Variants in KSR2 observed in about 807,000 individuals in gnomAD.
The protein encoded by KSR2 is kinase suppressor of ras 2.
Under a neutral mutation model 107.8 loss-of-function variants are expected in KSR2, and 25 were observed. That is an observed-to-expected ratio of 0.23 (90% confidence interval 0.17 to 0.32). The LOEUF (loss-of-function observed/expected upper bound fraction) is 0.32, where lower values mean the gene tolerates loss of function less well. KSR2 is among the 10% of genes least tolerant of loss of function. KSR2 has a pLI of 1.00. For missense variants in KSR2, 887 were observed against 1,268.9 expected (o/e 0.70, Z 4.57); for synonymous variants, 480 against 507.0 (o/e 0.95, Z 0.71).
chr12:117,933,017 T>C (rs578094610), intron 1 of KSR2, among the ~76,000 whole-genome samples: 1 of 151,230 alleles, frequency 6.6e-6, no homozygotes, highest in South Asian at 2.1e-4. Flanking sequence ...TGTCTCAAAA[T>C]AAATAAATAA....
chr12:117,615,214 TACACACACACAC>T (rs57116320), intron 5 of KSR2, among the ~76,000 whole-genome samples: 46,072 of 147,688 alleles, frequency 0.31, 8,296 homozygotes, highest in South Asian at 0.44. Flanking sequence ...TCTCTTCAGT[TACACACACACAC>T]ACACACACAC....
At chr12:117,953,648 C>T (rs1457734214) in intron 1 of KSR2, among the ~76,000 whole-genome samples, 1 of 152,014 alleles carries the variant, frequency 6.6e-6, no homozygotes, top group Non-Finnish European at 1.5e-5. Flanking sequence ...ATGTGCTGGG[C>T]CAGGGGATGG....
chr12:117,845,343 A>G (rs1312108438), intron 3 of KSR2, among the ~76,000 whole-genome samples: 2 of 152,158 alleles, frequency 1.3e-5, no homozygotes, highest in East Asian at 3.9e-4. Flanking sequence ...GCTTCTTAAA[A>G]GTGCTTCTGA....
chr12:117,640,917 A>G (rs1883327309), intron 5 of KSR2, among the ~76,000 whole-genome samples: 1 of 152,178 alleles, frequency 6.6e-6, no homozygotes, highest in African/African-American at 2.4e-5. Flanking sequence ...CAGACTGATT[A>G]TACAGTCACT....
At chr12:117,507,849 C>A (rs1409844965) in intron 14 of KSR2, among the ~76,000 whole-genome samples, 1 of 152,192 alleles carries the variant, frequency 6.6e-6, no homozygotes, top group Non-Finnish European at 1.5e-5. Flanking sequence ...CCCCCACCCC[C>A]ACTCCTATTG....
intron 3 of KSR2, among the ~76,000 whole-genome samples, chr12:117,793,309 A>G (rs1800725500): frequency 7.2e-6 from 1 of 139,338 alleles, no homozygotes; most frequent in African/African-American, 2.8e-5. Flanking sequence ...CACAACATGC[A>G]CACACCCTCA....
chr12:117,725,103 C>T (rs1438992748), intron 4 of KSR2, among the ~76,000 whole-genome samples: 2 of 152,056 alleles, frequency 1.3e-5, no homozygotes, highest in Non-Finnish European at 2.9e-5. Flanking sequence ...CACACACACA[C>T]ACACACACAC....
At chr12:117,586,214 GAT>G (rs1879979371) in intron 5 of KSR2, among the ~76,000 whole-genome samples, 1 of 152,102 alleles carries the variant, frequency 6.6e-6, no homozygotes, top group Non-Finnish European at 1.5e-5. Context: ...AATACGTGAG[GAT>G]ATACACAGAG....
At chr12:117,934,462 G>A (rs1307894989) in intron 1 of KSR2, among the ~76,000 whole-genome samples, 1 of 152,218 alleles carries the variant, frequency 6.6e-6, no homozygotes, top group African/African-American at 2.4e-5. Flanking sequence ...CGTAAGGAAA[G>A]GCTGTTTGGA....
rs12310108 is a variant in KSR2, at chr12:117,808,648, T to A, written c.472+46780A>T. Among the ~76,000 whole-genome samples the A allele has an allele frequency of 5.3e-3, 805 of 152,260 alleles. 11 individuals are homozygous for A. Among genetic ancestry groups the A allele is most frequent in the African/African-American group, 0.019 (780 of 41,540 alleles). Reference sequence around the variant, plus strand: ...AGAAAACGTAGCATGTCTAATTGCATCTCAATCTGAAGCCTCTGCCCATCT... The same window carrying A: ...AGAAAACGTAGCATGTCTAATTGCAACTCAATCTGAAGCCTCTGCCCATCT... On this transcript the variant is annotated intron_variant, in intron 3 of 19. Coordinates refer to ENST00000339824, the MANE Select transcript of KSR2 (RefSeq NM_173598.6).
At chr12:117,708,060 G>A (rs1437829423) in intron 4 of KSR2, among the ~76,000 whole-genome samples, 2 of 152,150 alleles carry the variant, frequency 1.3e-5, no homozygotes, top group African/African-American at 2.4e-5. Flanking sequence ...TCCTATTTGT[G>A]CACTGGATAT....
At chr12:117,588,742 G>A (rs573222794) in intron 5 of KSR2, among the ~76,000 whole-genome samples, 48 of 152,304 alleles carry the variant, frequency 3.2e-4, no homozygotes, top group African/African-American at 1.2e-3. Context: ...ATGGCAAATT[G>A]AGGTAGATGT....
At chr12:117,759,792 C>T (rs996829852) in intron 4 of KSR2, among the ~76,000 whole-genome samples, 3 of 152,214 alleles carry the variant, frequency 2.0e-5, no homozygotes, top group Non-Finnish European at 4.4e-5. Context: ...TCAAGGTTCA[C>T]TCATGTTGTA....
At chr12:117,725,471 T>C (rs1393600419) in intron 4 of KSR2, among the ~76,000 whole-genome samples, 2 of 152,240 alleles carry the variant, frequency 1.3e-5, no homozygotes, top group African/African-American at 4.8e-5. Flanking sequence ...CTGGAACATC[T>C]GGATATTCTT....
intron 5 of KSR2, among the ~76,000 whole-genome samples, chr12:117,647,047 C>A (rs1372497872): frequency 6.6e-6 from 1 of 151,810 alleles, no homozygotes; most frequent in African/African-American, 2.4e-5. Flanking sequence ...AGGGTGAAAG[C>A]CACACAGAGA....
intron 3 of KSR2, among the ~76,000 whole-genome samples, chr12:117,821,921 A>C (rs910017991): frequency 3.9e-5 from 6 of 152,186 alleles, no homozygotes; most frequent in Non-Finnish European, 8.8e-5. Context: ...ATTCCCAGAC[A>C]CAGGCATTCT....
intron 1 of KSR2, among the ~76,000 whole-genome samples, chr12:117,906,455 A>C (rs571774615): frequency 6.6e-6 from 1 of 152,106 alleles, no homozygotes; most frequent in African/African-American, 2.4e-5. Context: ...AAAATACAAA[A>C]ATTAGCTGGG....
intron 3 of KSR2, among the ~76,000 whole-genome samples, chr12:117,798,517 C>T (rs910065440): frequency 2.0e-5 from 3 of 152,038 alleles, no homozygotes; most frequent in African/African-American, 4.8e-5. Flanking sequence ...CCTGTAATCC[C>T]AGCTACTCAG....
chr12:117,798,317 G>T (rs369333146), intron 3 of KSR2, among the ~76,000 whole-genome samples: 1 of 152,128 alleles, frequency 6.6e-6, no homozygotes, highest in Non-Finnish European at 1.5e-5. Flanking sequence ...AGTCTTGAGA[G>T]GAGGCTCTAA....
Sources: allele counts gnomAD v4.1 joint callset (sites outside exome capture counted in the v4.1 genomes callset), GRCh38; gene constraint gnomAD v4.1.1; transcripts MANE v1.5; gene names NCBI Gene and HGNC (gene_info 2026-07-23, HGNC 2026-07-21).